The following CLOCK variants were observed in gnomAD, a reference collection of about 807,000 sequenced individuals.
CLOCK encodes the protein clock circadian regulator, also known as circadian locomoter output cycles protein kaput.
Under a neutral mutation model 118.4 loss-of-function variants are expected in CLOCK, and 43 were observed. The observed-to-expected ratio is 0.36, with a 90% CI of 0.28 to 0.47. The LOEUF (loss-of-function observed/expected upper bound fraction) is 0.47. Among genes scored for constraint, CLOCK ranks in the 20% least tolerant of loss-of-function variants. CLOCK has a pLI of 1.00. For missense variants in CLOCK, 846 were observed against 999.9 expected, an observed-to-expected ratio of 0.85 and a Z score of 2.08; for synonymous variants, 326 against 339.2, an observed-to-expected ratio of 0.96 and a Z score of 0.43.
At chr4:55,500,135 C>G (rs1728341072) in intron 2 of CLOCK, among the ~76,000 whole-genome samples, 1 of 152,068 alleles carries the variant, frequency 6.6e-6, no homozygotes, top group Admixed American at 6.6e-5. Flanking sequence ...AACTGCTGCA[C>G]TCAACATGTA....
At chr4:55,483,660 G>C (rs1727090187) in intron 3 of CLOCK, among the ~76,000 whole-genome samples, 1 of 152,190 alleles carries the variant, frequency 6.6e-6, no homozygotes, top group Admixed American at 6.5e-5. Context: ...GCCTTAGTGA[G>C]ACAAAAGAAT....
chr4:55,444,248 T>G (rs1427940982), intron 19 of CLOCK, among the ~76,000 whole-genome samples: 1 of 152,170 alleles, frequency 6.6e-6, no homozygotes, highest in Non-Finnish European at 1.5e-5. Context: ...TGCTGGTTGG[T>G]CATATAAGAC....
chr4:55,442,506 C>G lies in CLOCK; in HGVS notation c.2031G>C (p.Gln677His), dbSNP rs1723451387. 3.1e-6 allele frequency: 5 copies of G among 1,608,306 alleles called. No homozygotes were observed. The highest frequency in any genetic ancestry group is 1.4e-5 in the African/African-American group (1 of 72,654). The change falls in exon 21 of 23, where the codon CAG (glutamine) becomes CAC (histidine). Residue 677 changes from glutamine to histidine, a missense_variant. Transcript: ENST00000513440. ...ISQPAAGSMV[Q>H]IPSSMPQNST... ...TGTTTTGTGGCATACTAGATGGAAT[C>G]TGGACCATGCTTCCGGCTGCAGGCT...
chr4:55,537,113 T>TA (rs1309042317), intron 1 of CLOCK, among the ~76,000 whole-genome samples: 1 of 152,068 alleles, frequency 6.6e-6, no homozygotes, highest in Non-Finnish European at 1.5e-5. Flanking sequence ...CACTTATAAA[T>TA]AAACTATAGA....
chr4:55,529,841 G>A (rs1730424673), intron 1 of CLOCK, among the ~76,000 whole-genome samples: 1 of 152,178 alleles, frequency 6.6e-6, no homozygotes, highest in Non-Finnish European at 1.5e-5. Flanking sequence ...ACTATCCTGT[G>A]TTGTCTCTTG....
At chr4:55,487,817 T>C (rs1241176140) in intron 3 of CLOCK, among the ~76,000 whole-genome samples, 1 of 152,196 alleles carries the variant, frequency 6.6e-6, no homozygotes, top group Non-Finnish European at 1.5e-5. Flanking sequence ...CACAGCAGGC[T>C]TAGGATCCTG....
At chr4:55,458,016 A>G (rs1438158887) in intron 11 of CLOCK, among the ~76,000 whole-genome samples, 1 of 152,232 alleles carries the variant, frequency 6.6e-6, no homozygotes, top group Non-Finnish European at 1.5e-5. Context: ...AAACAAACCA[A>G]GCAAGACTGG....
At chr4:55,522,448 T>A (rs529529646) in intron 1 of CLOCK, among the ~76,000 whole-genome samples, 1 of 148,628 alleles carries the variant, frequency 6.7e-6, no homozygotes, top group East Asian at 2.0e-4. Context: ...ATACTACATA[T>A]CAGTAAGAAA....
At chr4:55,543,691 T>A (rs539736010) in intron 1 of CLOCK, among the ~76,000 whole-genome samples, 5 of 151,772 alleles carry the variant, frequency 3.3e-5, no homozygotes, top group Admixed American at 6.6e-5. Flanking sequence ...GGCAGGAGAA[T>A]CTCTTGAACC....
chr4:55,451,241 G>T (rs537078367), intron 15 of CLOCK, among the ~76,000 whole-genome samples: 8 of 152,054 alleles, frequency 5.3e-5, no homozygotes, highest in Non-Finnish European at 1.2e-4. Flanking sequence ...GATCACCAAT[G>T]AATTAAATGT....
At chr4:55,437,117 T>C (rs1001381892) in intron 22 of CLOCK, among the ~76,000 whole-genome samples, 1 of 152,224 alleles carries the variant, frequency 6.6e-6, no homozygotes, top group Non-Finnish European at 1.5e-5. Context: ...CAGCATAGGC[T>C]TAAGGTCTAA....
chr4:55,504,392 T>C (rs1481086436), intron 2 of CLOCK, among the ~76,000 whole-genome samples: 1 of 151,724 alleles, frequency 6.6e-6, no homozygotes, highest in South Asian at 2.1e-4. Flanking sequence ...CACAATAAGG[T>C]TGTCATAAGA....
At chr4:55,504,854 A>G (rs1455053864) in intron 2 of CLOCK, among the ~76,000 whole-genome samples, 3 of 152,218 alleles carry the variant, frequency 2.0e-5, no homozygotes, top group African/African-American at 7.2e-5. Flanking sequence ...AACCTATTTT[A>G]TAAAACTTAA....
intron 21 of CLOCK, among the ~76,000 whole-genome samples, chr4:55,440,875 T>TG (rs1723312116): frequency 6.6e-6 from 1 of 152,138 alleles, no homozygotes; most frequent in Admixed American, 6.5e-5. Context: ...GCTCAAGTCT[T>TG]GAAGAGTCAG....
intron 2 of CLOCK, among the ~76,000 whole-genome samples, chr4:55,498,156 A>T (rs1462370307): frequency 6.6e-6 from 1 of 152,206 alleles, no homozygotes; most frequent in Admixed American, 6.5e-5. Flanking sequence ...AATGTTTGAC[A>T]TATTATGTAC....
At chr4:55,532,835 C>G (rs138310410) in intron 1 of CLOCK, among the ~76,000 whole-genome samples, 2 of 151,714 alleles carry the variant, frequency 1.3e-5, no homozygotes, top group African/African-American at 4.8e-5. Flanking sequence ...TGACAGAGAC[C>G]CTATCTCTTT....
rs919731265 is a variant in CLOCK at position 55,434,907 on chromosome 4, A to T, written c.*508T>A. On this transcript the variant is annotated 3_prime_UTR_variant, in exon 23 of 23. Coordinates refer to ENST00000513440, the MANE Select transcript of CLOCK (RefSeq NM_004898.4). ...GAATTTGAACCCACACAACATTCTG[A>T]AAGTAATTACTGTTCCATCATTATC... The T allele has an allele frequency of 3.4e-5, 6 of 175,628 alleles. No homozygotes were observed. The highest frequency in any genetic ancestry group is 3.0e-4 in the East Asian group (2 of 6,626). 10.9% of individuals were successfully genotyped at this position (175,628 alleles called of 1,614,324 possible).
At chr4:55,506,768 C>T (rs188630631) in intron 2 of CLOCK, among the ~76,000 whole-genome samples, 1 of 152,000 alleles carries the variant, frequency 6.6e-6, no homozygotes, top group Non-Finnish European at 1.5e-5. Context: ...ACCACGCTGG[C>T]CAGGCTGGTC....
intron 1 of CLOCK, among the ~76,000 whole-genome samples, chr4:55,544,760 C>A (rs1478993284): frequency 6.6e-6 from 1 of 152,112 alleles, no homozygotes. Flanking sequence ...ACACATAATA[C>A]ATCTCATTTC....
Sources: allele counts gnomAD v4.1 joint callset (sites outside exome capture counted in the v4.1 genomes callset), GRCh38; gene constraint gnomAD v4.1.1; transcripts MANE v1.5; gene names NCBI Gene and HGNC (gene_info 2026-07-23, HGNC 2026-07-21).